RNFT2: variants seen among roughly 807,000 people sequenced by gnomAD.
The protein encoded by RNFT2 is ring finger protein, transmembrane 2.
In RNFT2, 36 loss-of-function variants were observed where a neutral mutation model predicts 53.0. The ratio of observed to expected loss-of-function variants is 0.68; its 90% CI spans 0.52 to 0.90. The LOEUF (loss-of-function observed/expected upper bound fraction) is 0.90, where lower values mean the gene tolerates loss of function less well. RNFT2 is among the 40% of genes least tolerant of loss of function. The pLI is 0.00. For missense variants in RNFT2, 514 were observed against 585.6 expected, an observed-to-expected ratio of 0.88 and a Z score of 1.26; for synonymous variants, 260 against 253.2, an observed-to-expected ratio of 1.03 and a Z score of -0.26.
At chr12:116,778,971 A>G (rs1873563169) in intron 6 of RNFT2, among the ~76,000 whole-genome samples, 1 of 152,378 alleles carries the variant, frequency 6.6e-6, no homozygotes, top group African/African-American at 2.4e-5. Context: ...CCAGGCCAAT[A>G]TGGCCATTTA....
chr12:116,799,579 GT>G (rs35547030), intron 7 of RNFT2, among the ~76,000 whole-genome samples: 2 of 151,534 alleles, frequency 1.3e-5, no homozygotes, highest in Non-Finnish European at 2.9e-5. Flanking sequence ...AGTTAGCTGT[GT>G]TTTTTTTTAA....
chr12:116,757,506 T>C (rs1872555729), intron 5 of RNFT2, among the ~76,000 whole-genome samples: 2 of 152,078 alleles, frequency 1.3e-5, no homozygotes, highest in African/African-American at 4.8e-5. Context: ...ATCCCAGAGG[T>C]TTTGATAGGT....
rs1871548568 is a variant in RNFT2, at chr12:116,740,390, G to A, written c.-108G>A. On this transcript the variant is annotated 5_prime_UTR_variant, in exon 2 of 11. Coordinates refer to ENST00000257575, the MANE Select transcript of RNFT2 (RefSeq NM_001382266.1). ...TCCCCTGACTGTGCATCCCTCTGGAGACGAAGAGGAGGGGGAGGCCTGTCC... is the reference window on the plus strand; with the variant it reads ...TCCCCTGACTGTGCATCCCTCTGGAAACGAAGAGGAGGGGGAGGCCTGTCC... 1 of 1,100,736 alleles carries A rather than the reference G, an allele frequency of 9.1e-7. No individual in the cohort carries two copies. Among genetic ancestry groups the A allele is most frequent in the Non-Finnish European group, 1.3e-6 (1 of 741,224 alleles). 68.2% of individuals were successfully genotyped at this position (1,100,736 alleles called of 1,614,324 possible).
intron 10 of RNFT2, among the ~76,000 whole-genome samples, chr12:116,844,569 A>T (rs1190587392): frequency 6.6e-6 from 1 of 152,168 alleles, no homozygotes; most frequent in Non-Finnish European, 1.5e-5. Context: ...TTCTATTTCT[A>T]AATATTTCTA....
Position 116,849,757 on chromosome 12 carries a change from A to G in RNFT2, c.*309A>G. ...GGACCTGGCAATACATGAAGTTCCC[A>G]CTTGTTGGTTATTTTCTCTTTCTTT... On this transcript the variant is annotated 3_prime_UTR_variant, in exon 11 of 11. Transcript: ENST00000257575. 1 of 1,152,786 alleles carries G rather than the reference A, an allele frequency of 8.7e-7. No individual in the cohort carries two copies. 71.4% of individuals were successfully genotyped at this position (1,152,786 alleles called of 1,614,324 possible).
intron 7 of RNFT2, among the ~76,000 whole-genome samples, chr12:116,812,055 G>T (rs1875408484): frequency 1.3e-5 from 2 of 152,114 alleles, no homozygotes; most frequent in African/African-American, 4.8e-5. Flanking sequence ...GGAGCCCGGT[G>T]AGGAACAAAT....
At chr12:116,838,375 C>T (rs561893265) in intron 10 of RNFT2, among the ~76,000 whole-genome samples, 2 of 152,320 alleles carry the variant, frequency 1.3e-5, no homozygotes, top group South Asian at 4.1e-4. Context: ...GCATGCATCC[C>T]ATTTCACACA....
intron 7 of RNFT2, among the ~76,000 whole-genome samples, chr12:116,822,485 G>A (rs1261185741): frequency 6.6e-6 from 1 of 152,032 alleles, no homozygotes; most frequent in Non-Finnish European, 1.5e-5. Context: ...ACTTTTCTGT[G>A]CCTCCATTTC....
intron 7 of RNFT2, among the ~76,000 whole-genome samples, chr12:116,792,336 C>A (rs1874281146): frequency 6.6e-6 from 1 of 152,164 alleles, no homozygotes; most frequent in Non-Finnish European, 1.5e-5. Context: ...AGGTATGAGC[C>A]ACTGCGCCCA....
Position 116,779,354 on chromosome 12 carries a change from C to A in RNFT2, c.882+6C>A. On this transcript the variant is annotated splice_donor_region_variant and intron_variant, in intron 7 of 10. Transcript: ENST00000257575. ...TCCTGGCTGTCAAGTCCAAGGTAGG[C>A]ACTGGCTGCGGCCACAAGGTAGCCC... The A allele has an allele frequency of 6.2e-7, 1 of 1,613,874 alleles. No individual in the cohort carries two copies. The highest frequency in any genetic ancestry group is 8.5e-7 in the Non-Finnish European group (1 of 1,179,838).
At chr12:116,783,185 C>T (rs1873789129) in intron 7 of RNFT2, among the ~76,000 whole-genome samples, 1 of 152,246 alleles carries the variant, frequency 6.6e-6, no homozygotes, top group South Asian at 2.1e-4. Flanking sequence ...GAGATCCCCT[C>T]ATAGACACTT....
At chr12:116,759,911 A>C (rs1046490472) in intron 5 of RNFT2, among the ~76,000 whole-genome samples, 3 of 152,048 alleles carry the variant, frequency 2.0e-5, no homozygotes, top group Non-Finnish European at 4.4e-5. Flanking sequence ...GGAGCTCTAG[A>C]ACTCTCGAGT....
chr12:116,740,927 G>A (rs1871574970), intron 2 of RNFT2, 109 bp from the exon 3 acceptor site: 1 of 881,736 alleles, frequency 1.1e-6, no homozygotes, highest in Non-Finnish European at 1.9e-6. Context: ...GAGAGCACTA[G>A]GGGTCTAAGA....
rs766126305 is a variant in RNFT2, at chr12:116,783,636, G to A, written c.882+4288G>A. On this transcript the variant is annotated intron_variant, in intron 7 of 10. Coordinates refer to ENST00000257575, the MANE Select transcript of RNFT2 (RefSeq NM_001382266.1). Reference sequence around the variant, plus strand: ...AGCTACAGCCAAGCTCTGACCCCAGGAACCCAGGATGGGAAGGAGCCTGGA... The same window carrying A: ...AGCTACAGCCAAGCTCTGACCCCAGAAACCCAGGATGGGAAGGAGCCTGGA... 2.6e-5 allele frequency among the ~76,000 whole-genome samples: 4 copies of A among 152,240 alleles called. No homozygotes were observed. In the East Asian group the frequency reaches 5.8e-4, roughly 22 times the overall value.
chr12:116,829,613 A>G (rs1041978012), intron 7 of RNFT2, among the ~76,000 whole-genome samples: 3 of 152,188 alleles, frequency 2.0e-5, no homozygotes, highest in African/African-American at 4.8e-5. Flanking sequence ...GATGGAATAT[A>G]AAAGTTGGCT....
At chr12:116,769,226 G>A (rs1388006466) in intron 6 of RNFT2, among the ~76,000 whole-genome samples, 1 of 152,144 alleles carries the variant, frequency 6.6e-6, no homozygotes, top group Non-Finnish European at 1.5e-5. Context: ...GGGCGTGGTA[G>A]CAGGTGCCTG....
chr12:116,787,336 G>A (rs1169812474), intron 7 of RNFT2, among the ~76,000 whole-genome samples: 5 of 152,234 alleles, frequency 3.3e-5, no homozygotes, highest in Non-Finnish European at 7.3e-5. Flanking sequence ...GGTGCCTTGA[G>A]CAAGTCGCTT....
chr12:116,813,588 G>C (rs1473706532), intron 7 of RNFT2, among the ~76,000 whole-genome samples: 1 of 152,184 alleles, frequency 6.6e-6, no homozygotes, highest in Non-Finnish European at 1.5e-5. Flanking sequence ...TGTTGTGTTT[G>C]CTGGTTTGTC....
chr12:116,815,305 T>C (rs1875595251), intron 7 of RNFT2, among the ~76,000 whole-genome samples: 1 of 152,200 alleles, frequency 6.6e-6, no homozygotes, highest in African/African-American at 2.4e-5. Context: ...CTGTGAGTAC[T>C]GTAACAAATA....
Sources: gnomAD v4.1 joint callset for allele counts (sites outside exome capture counted in the v4.1 genomes callset) on GRCh38, gnomAD v4.1.1 for gene constraint, MANE v1.5 for transcripts, NCBI Gene and HGNC (gene_info 2026-07-23, HGNC 2026-07-21) for gene names.